Variants in MIPOL1 observed in about 807,000 individuals in gnomAD.
MIPOL1 encodes the protein mirror-image polydactyly 1.
In MIPOL1, 57 loss-of-function variants were observed where a neutral mutation model predicts 60.9. The observed-to-expected ratio is 0.94, with a 90% confidence interval of 0.76 to 1.17. MIPOL1 has a LOEUF of 1.17. Among genes scored for constraint, MIPOL1 ranks in the 50% most tolerant of loss-of-function variants. MIPOL1 has a pLI of 0.00. For missense variants in MIPOL1, 551 were observed against 511.6 expected (o/e 1.08, Z -0.74); for synonymous variants, 179 against 168.8 (o/e 1.06, Z -0.47).
chr14:37,355,419 C>T lies in MIPOL1; in HGVS notation c.829-14098C>T, dbSNP rs1276891167. Among the ~76,000 whole-genome samples, 49 of 147,974 alleles carry T rather than the reference C, an allele frequency of 3.3e-4. No homozygotes were observed. In the East Asian group the frequency reaches 8.0e-3, roughly 24 times the overall value. On this transcript the variant is annotated intron_variant, in intron 9 of 12. Transcript: ENST00000684589. ...CTCTTCTCGAGGAGTATCTTTGTGG[C>T]GTTCTCTGTATTTCCTGAATCTGAA...
At chr14:37,252,332 T>C (rs1385723307) in intron 3 of MIPOL1, among the ~76,000 whole-genome samples, 1 of 151,950 alleles carries the variant, frequency 6.6e-6, no homozygotes, top group Admixed American at 6.6e-5. Context: ...AAAGCACTTA[T>C]AGAATGGCTG....
intron 11 of MIPOL1, among the ~76,000 whole-genome samples, chr14:37,455,855 T>C (rs2094471269): frequency 6.6e-6 from 1 of 152,160 alleles, no homozygotes; most frequent in Non-Finnish European, 1.5e-5. Flanking sequence ...AATTACGTGA[T>C]TTTAATTTTT....
chr14:37,294,536 T>A (rs1335760111), intron 7 of MIPOL1, among the ~76,000 whole-genome samples: 1 of 152,000 alleles, frequency 6.6e-6, no homozygotes, highest in East Asian at 1.9e-4. Flanking sequence ...TTTGAACCAA[T>A]GGCAAAGAAG....
At chr14:37,471,203 A>G (rs987808759) in intron 11 of MIPOL1, among the ~76,000 whole-genome samples, 5 of 152,220 alleles carry the variant, frequency 3.3e-5, no homozygotes, top group South Asian at 2.1e-4. Flanking sequence ...GACAGCAAAC[A>G]TAGACAATTT....
chr14:37,387,987 C>T (rs1377964000), intron 10 of MIPOL1, among the ~76,000 whole-genome samples: 1 of 151,720 alleles, frequency 6.6e-6, no homozygotes, highest in Non-Finnish European at 1.5e-5. Context: ...TGACTTAAAA[C>T]GATGCAAATG....
At chr14:37,407,830 TTTCTTC>T (rs149499658) in intron 10 of MIPOL1, among the ~76,000 whole-genome samples, 2 of 106,820 alleles carry the variant, frequency 1.9e-5, no homozygotes, top group African/African-American at 7.1e-5. Flanking sequence ...TTTTCTTTTC[TTTCTTC>T]TTCTTCTTCT....
At chr14:37,465,111 A>G (rs1009364745) in intron 11 of MIPOL1, among the ~76,000 whole-genome samples, 1 of 152,204 alleles carries the variant, frequency 6.6e-6, no homozygotes, top group African/African-American at 2.4e-5. Flanking sequence ...ATCAATATAG[A>G]CATGTCTTCA....
In MIPOL1 at chr14:37,426,594, T is replaced by TATAC. The variant is rs1447990257; in HGVS notation, c.1031+3646_1031+3647insTACA. Among the ~76,000 whole-genome samples the TATAC allele has an allele frequency of 6.1e-3, 766 of 125,402 alleles. 8 individuals are homozygous for TATAC. Among genetic ancestry groups the TATAC allele is most frequent in the African/African-American group, 0.019 (658 of 33,882 alleles). 82.3% of individuals were successfully genotyped at this position (125,402 alleles called of 152,430 possible). A position where few individuals can be genotyped will look rare whatever the true frequency, so the allele number is the denominator to read the frequency against. On this transcript the variant is annotated intron_variant, in intron 11 of 12. Transcript: ENST00000684589. ...ACATATATATATATATATATATATA[T>TATAC]ACACACACACATACATATATAATAT...
chr14:37,310,538 A>G (rs1595065536), intron 9 of MIPOL1, among the ~76,000 whole-genome samples: 1 of 152,114 alleles, frequency 6.6e-6, no homozygotes, highest in African/African-American at 2.4e-5. Flanking sequence ...TTTAAAGACA[A>G]TCTCTCTATT....
At chr14:37,358,782 T>C (rs1312225191) in intron 9 of MIPOL1, among the ~76,000 whole-genome samples, 2 of 152,224 alleles carry the variant, frequency 1.3e-5, no homozygotes, top group African/African-American at 4.8e-5. Flanking sequence ...ATTCTGTAGG[T>C]TGCCTGTTCA....
At chr14:37,384,867 C>T (rs1032244977) in intron 10 of MIPOL1, among the ~76,000 whole-genome samples, 1 of 151,610 alleles carries the variant, frequency 6.6e-6, no homozygotes, top group African/African-American at 2.4e-5. Context: ...AAATTGATTC[C>T]ATATATGAAT....
chr14:37,479,954 C>A (rs1052463216), intron 11 of MIPOL1, among the ~76,000 whole-genome samples: 18 of 152,106 alleles, frequency 1.2e-4, no homozygotes, highest in African/African-American at 4.1e-4. Flanking sequence ...TGGATGAATT[C>A]TTAGATAACA....
At chr14:37,265,948 C>A (rs1040132928) in intron 3 of MIPOL1, among the ~76,000 whole-genome samples, 1 of 152,000 alleles carries the variant, frequency 6.6e-6, no homozygotes, top group African/African-American at 2.4e-5. Context: ...AGAAATAGAG[C>A]CATGTCACAC....
chr14:37,487,451 T>C (rs2094966821), intron 11 of MIPOL1, among the ~76,000 whole-genome samples: 1 of 152,204 alleles, frequency 6.6e-6, no homozygotes, highest in Non-Finnish European at 1.5e-5. Flanking sequence ...AATTTGGCTG[T>C]GAATCCATCT....
In MIPOL1 at chr14:37,336,031, G is replaced by T. The variant is rs10135014; in HGVS notation, c.828+27512G>T. 2.4e-4 allele frequency among the ~76,000 whole-genome samples: 36 copies of T among 151,506 alleles called. No individual in the cohort carries two copies. The South Asian group carries it at 5.6e-3, about 24-fold the overall frequency. ...CTTCTAAGAGTTTCAGAGTTATTAG[G>T]TCTTATGTTTAGGTCTTTGATCCAT... On this transcript the variant is annotated intron_variant, in intron 9 of 12. Coordinates refer to ENST00000684589, the MANE Select transcript of MIPOL1 (RefSeq NM_001388067.1).
chr14:37,316,326 C>T (rs569344083), intron 9 of MIPOL1, among the ~76,000 whole-genome samples: 34 of 152,122 alleles, frequency 2.2e-4, no homozygotes, highest in African/African-American at 7.0e-4. Flanking sequence ...CCACCATGCC[C>T]AGCCAGAAAT....
chr14:37,471,547 A>G (rs1036973960), intron 11 of MIPOL1, among the ~76,000 whole-genome samples: 3 of 152,218 alleles, frequency 2.0e-5, no homozygotes, highest in African/African-American at 7.2e-5. Context: ...CCCTAGCCAG[A>G]GCAATTTTTT....
Position 37,495,955 on chromosome 14 carries a change from G to A in MIPOL1, c.1032-3953G>A, listed in dbSNP as rs368771489. On this transcript the variant is annotated intron_variant, in intron 11 of 12. Coordinates refer to ENST00000684589, the MANE Select transcript of MIPOL1 (RefSeq NM_001388067.1). The stretch of plus-strand genomic sequence containing the variant: ...TGAGAAGTGTCTGTTCATGTCCTTC[G>A]CCCACTTTTTGATGGGGTTGTTTGT... Among the ~76,000 whole-genome samples, 555 of 145,124 alleles carry A rather than the reference G, an allele frequency of 3.8e-3. 3 individuals are homozygous for A. The highest frequency in any genetic ancestry group is 5.6e-3 in the Non-Finnish European group (366 of 65,760).
At chr14:37,229,151 A>T (rs1437339835) in intron 1 of MIPOL1, among the ~76,000 whole-genome samples, 1 of 152,126 alleles carries the variant, frequency 6.6e-6, no homozygotes, top group Non-Finnish European at 1.5e-5. Flanking sequence ...TTATTAAAAG[A>T]TTAATTTGTG....
Sources: allele counts gnomAD v4.1 joint callset (sites outside exome capture counted in the v4.1 genomes callset), GRCh38; gene constraint gnomAD v4.1.1; transcripts MANE v1.5; gene names NCBI Gene and HGNC (gene_info 2026-07-23, HGNC 2026-07-21).